The following CPQ variants were observed in gnomAD, a reference collection of about 807,000 sequenced individuals.
CPQ encodes the protein Ser-Met dipeptidase.
Under a neutral mutation model 45.7 loss-of-function variants are expected in CPQ, and 37 were observed. That is an observed-to-expected ratio of 0.81 (90% CI 0.62 to 1.07). The LOEUF is 1.07. Ranked by LOEUF, CPQ falls within the 50% of genes least tolerant of loss-of-function variation. The pLI is 0.00. For synonymous variants in CPQ, 186 were observed against 205.8 expected (o/e 0.90, Z 0.82); for missense variants, 537 against 572.9 (o/e 0.94, Z 0.64).
chr8:96,989,765 C>G (rs1205909374), intron 5 of CPQ, among the ~76,000 whole-genome samples: 1 of 152,096 alleles, frequency 6.6e-6, no homozygotes, highest in Admixed American at 6.5e-5. Flanking sequence ...AATAGAGATG[C>G]ACCCTTTCTT....
intron 1 of CPQ, among the ~76,000 whole-genome samples, chr8:96,708,273 T>G (rs1168744035): frequency 1.3e-5 from 2 of 152,084 alleles, no homozygotes; most frequent in African/African-American, 4.8e-5. Context: ...GTCAGCTGAC[T>G]AGCAATCTTA....
At chr8:96,891,268 G>T (rs1344848287) in intron 4 of CPQ, among the ~76,000 whole-genome samples, 1 of 152,158 alleles carries the variant, frequency 6.6e-6, no homozygotes, top group Non-Finnish European at 1.5e-5. Flanking sequence ...AAACCCATAT[G>T]TCTATTCCGG....
intron 3 of CPQ, among the ~76,000 whole-genome samples, chr8:96,878,328 T>G (rs1812175899): frequency 6.6e-6 from 1 of 152,214 alleles, no homozygotes. Flanking sequence ...TCACTTGAGA[T>G]TAGACAGTCT....
intron 5 of CPQ, among the ~76,000 whole-genome samples, chr8:96,968,331 T>G (rs1813605267): frequency 6.6e-6 from 1 of 152,206 alleles, no homozygotes; most frequent in Non-Finnish European, 1.5e-5. Context: ...CACCTCACTT[T>G]CCATGATTGC....
intron 4 of CPQ, among the ~76,000 whole-genome samples, chr8:96,958,232 T>C (rs1813390042): frequency 6.6e-6 from 1 of 152,188 alleles, no homozygotes; most frequent in African/African-American, 2.4e-5. Context: ...AAGTTTTAGC[T>C]GTGCACTGTA....
intron 4 of CPQ, among the ~76,000 whole-genome samples, chr8:96,894,987 A>G (rs1039871497): frequency 2.0e-5 from 3 of 152,194 alleles, no homozygotes; most frequent in Non-Finnish European, 4.4e-5. Flanking sequence ...AGAATTGGCC[A>G]AATTGACTCA....
intron 1 of CPQ, among the ~76,000 whole-genome samples, chr8:96,706,433 T>G (rs1340863978): frequency 1.3e-5 from 2 of 152,012 alleles, no homozygotes; most frequent in Admixed American, 1.3e-4. Flanking sequence ...AAGAGTGCAG[T>G]TAGCCCTTGA....
chr8:96,711,721 C>T (rs534842333), intron 1 of CPQ, among the ~76,000 whole-genome samples: 1 of 152,194 alleles, frequency 6.6e-6, no homozygotes, highest in South Asian at 2.1e-4. Context: ...CCCACTGGGT[C>T]CCTCCCATGA....
At chr8:96,827,051 T>C (rs979718377) in intron 2 of CPQ, among the ~76,000 whole-genome samples, 3 of 152,028 alleles carry the variant, frequency 2.0e-5, no homozygotes, top group Admixed American at 6.6e-5. Context: ...TCCTTAAAGC[T>C]CCTGCTCAAT....
chr8:97,080,402 G>C (rs1439759292), intron 7 of CPQ, among the ~76,000 whole-genome samples: 1 of 152,082 alleles, frequency 6.6e-6, no homozygotes, highest in African/African-American at 2.4e-5. Context: ...TAAAAAATAT[G>C]CTTATCAATT....
Position 96,848,820 on chromosome 8 carries a change from G to A in CPQ, c.641+13640G>A, listed in dbSNP as rs566523604. On this transcript the variant is annotated intron_variant, in intron 3 of 7. Coordinates refer to ENST00000220763, the MANE Select transcript of CPQ (RefSeq NM_016134.4). ...CATTTAGTTTGCTGTCTAGATCCTC[G>A]TTTTTAGTGGCATTTTATGAATTTT... Among the ~76,000 whole-genome samples, 3 of 152,212 alleles carry A rather than the reference G, an allele frequency of 2.0e-5. No homozygotes were observed. The South Asian group carries it at 6.2e-4, about 32-fold the overall frequency.
At chr8:96,810,251 G>T (rs1811144702) in intron 2 of CPQ, among the ~76,000 whole-genome samples, 1 of 152,096 alleles carries the variant, frequency 6.6e-6, no homozygotes, top group Admixed American at 6.6e-5. Flanking sequence ...TTATGGGTTT[G>T]TCTTCCCCAA....
intron 1 of CPQ, among the ~76,000 whole-genome samples, chr8:96,749,614 T>G (rs1467031889): frequency 6.6e-6 from 1 of 152,074 alleles, no homozygotes; most frequent in East Asian, 1.9e-4. Context: ...CTGAGGACTC[T>G]GGATGGGAAA....
intron 5 of CPQ, among the ~76,000 whole-genome samples, chr8:96,987,174 A>T (rs1809001232): frequency 6.6e-6 from 1 of 152,072 alleles, no homozygotes; most frequent in Admixed American, 6.5e-5. Flanking sequence ...CATTCAACAT[A>T]TGTCCATATG....
intron 4 of CPQ, among the ~76,000 whole-genome samples, chr8:96,924,210 A>G (rs894501061): frequency 2.6e-4 from 39 of 152,110 alleles, no homozygotes; most frequent in African/African-American, 8.5e-4. Context: ...ATCTGCTTCA[A>G]CCTCTGTGTT....
At chr8:97,075,904 T>G (rs1443512983) in intron 7 of CPQ, among the ~76,000 whole-genome samples, 1 of 152,224 alleles carries the variant, frequency 6.6e-6, no homozygotes, top group Non-Finnish European at 1.5e-5. Context: ...GCTACTCTCC[T>G]ACACCCAGTT....
chr8:96,753,593 A>G (rs1810290524), intron 1 of CPQ, among the ~76,000 whole-genome samples: 1 of 139,318 alleles, frequency 7.2e-6, no homozygotes, highest in Non-Finnish European at 1.7e-5. Flanking sequence ...TTCCCTCATT[A>G]CATTTTCTAA....
rs142851436 is a variant in CPQ, at chr8:96,754,315, A to G, written c.-34-30549A>G. On this transcript the variant is annotated intron_variant, in intron 1 of 7. Transcript: ENST00000220763. ...CTCAGAGACTTTAATATGCTAATAC[A>G]TGCTGTAATCTCTGAGGGAGTGCTT... Among the ~76,000 whole-genome samples, 5 of 152,170 alleles carry G rather than the reference A, an allele frequency of 3.3e-5. No homozygotes were observed. In the East Asian group the frequency reaches 9.6e-4, roughly 29 times the overall value.
chr8:96,721,280 G>C (rs530709600), intron 1 of CPQ, among the ~76,000 whole-genome samples: 31 of 151,974 alleles, frequency 2.0e-4, no homozygotes, highest in African/African-American at 7.5e-4. Flanking sequence ...ACTTTACTGT[G>C]GTTGGGAGTT....
Sources: gnomAD v4.1 joint callset for allele counts (sites outside exome capture counted in the v4.1 genomes callset) on GRCh38, gnomAD v4.1.1 for gene constraint, MANE v1.5 for transcripts, NCBI Gene and HGNC (gene_info 2026-07-23, HGNC 2026-07-21) for gene names.